The following ATP2B2 variants were observed in gnomAD, a reference collection of about 807,000 sequenced individuals.
The protein encoded by ATP2B2 is plasma membrane calcium-transporting ATPase 2.
In ATP2B2, 15 loss-of-function variants were observed where a neutral mutation model predicts 120.0. The observed-to-expected ratio is 0.12, with a 90% CI of 0.08 to 0.19. The LOEUF is 0.19. Ranked by LOEUF, ATP2B2 falls within the 10% of genes least tolerant of loss-of-function variation. The pLI is 1.00. For synonymous variants in ATP2B2, 694 were observed against 700.3 expected (o/e 0.99, Z 0.14); for missense variants, 1,045 against 1,719.8 (o/e 0.61, Z 6.94).
intron 16 of ATP2B2, among the ~76,000 whole-genome samples, chr3:10,349,463 T>TAAAATA (rs1203022615): frequency 1.3e-5 from 2 of 151,780 alleles, no homozygotes; most frequent in South Asian, 2.1e-4. Context: ...TCAAATAAAA[T>TAAAATA]AAAATAAAAA....
chr3:10,596,496 G>T (rs530082454), intron 2 of ATP2B2, among the ~76,000 whole-genome samples: 1 of 152,298 alleles, frequency 6.6e-6, no homozygotes, highest in African/African-American at 2.4e-5. Context: ...GAGATGCCAA[G>T]GCTTTGAAAT....
intron 1 of ATP2B2, among the ~76,000 whole-genome samples, chr3:10,672,626 T>A (rs554307468): frequency 6.6e-6 from 1 of 152,338 alleles, no homozygotes; most frequent in South Asian, 2.1e-4. Context: ...TCACTACATT[T>A]TAAAGGTTTG....
intron 2 of ATP2B2, among the ~76,000 whole-genome samples, chr3:10,424,228 C>T (rs552143200): frequency 1.6e-4 from 24 of 152,248 alleles, no homozygotes; most frequent in Middle Eastern, 3.4e-3. Context: ...TACGGACAGA[C>T]GGACTGAGGC....
At chr3:10,479,073 T>C (rs1195888146) in intron 1 of ATP2B2, among the ~76,000 whole-genome samples, 2 of 146,966 alleles carry the variant, frequency 1.4e-5, no homozygotes, top group East Asian at 2.3e-4. Context: ...AGAGGAACTG[T>C]GAGTCAATTA....
At chr3:10,393,345 C>T (rs11923508) in intron 5 of ATP2B2, among the ~76,000 whole-genome samples, 1,619 of 152,152 alleles carry the variant, frequency 0.011, 35 homozygotes, top group African/African-American at 0.036. Flanking sequence ...AATAGGAAGC[C>T]GCTGAGAGTA....
At chr3:10,615,611 G>C (rs886287165) in intron 2 of ATP2B2, among the ~76,000 whole-genome samples, 2 of 152,134 alleles carry the variant, frequency 1.3e-5, no homozygotes, top group African/African-American at 4.8e-5. Context: ...CAGTGTCAAG[G>C]TCCACAGAGG....
At chr3:10,353,421 A>G (rs2060630853) in intron 14 of ATP2B2, among the ~76,000 whole-genome samples, 1 of 152,190 alleles carries the variant, frequency 6.6e-6, no homozygotes, top group Admixed American at 6.5e-5. Context: ...ATGAACACAG[A>G]TTAGTCCTGG....
intron 2 of ATP2B2, among the ~76,000 whole-genome samples, chr3:10,544,237 A>C (rs1202052773): frequency 1.3e-5 from 2 of 152,100 alleles, no homozygotes; most frequent in East Asian, 3.9e-4. Context: ...TAAAGGGAAA[A>C]TTTCATCATT....
chr3:10,602,128 T>G (rs1163508326), intron 2 of ATP2B2, among the ~76,000 whole-genome samples: 1 of 148,912 alleles, frequency 6.7e-6, no homozygotes. Flanking sequence ...CGGAGCCCCC[T>G]CCCCACTTCC....
At chr3:10,591,941 G>T (rs1302193777) in intron 2 of ATP2B2, among the ~76,000 whole-genome samples, 1 of 152,166 alleles carries the variant, frequency 6.6e-6, no homozygotes, top group Non-Finnish European at 1.5e-5. Flanking sequence ...GGGGCATCTA[G>T]AATTAATAGG....
At position 10,347,077 on chromosome 3, in the gene ATP2B2, C is replaced by T. The variant is rs779477098; in HGVS notation, c.2405-940G>A. ...CGTCCCCCAGCCATCCCCGGAATGT[C>T]GTTTTCCTGCTTCCCCCCTTGGTCT... is the stretch of plus-strand genomic sequence containing the variant. On this transcript the variant is annotated intron_variant, in intron 16 of 22. Coordinates refer to ENST00000360273, the MANE Select transcript of ATP2B2 (RefSeq NM_001001331.4). This position sits in a 1 kb window ranked among gnomAD's most constrained non-coding sequence, Gnocchi z 5.2. Among the ~76,000 whole-genome samples, 8 of 152,150 alleles carry T rather than the reference C, an allele frequency of 5.3e-5. No homozygotes were observed. The highest frequency in any genetic ancestry group is 8.8e-5 in the Non-Finnish European group (6 of 68,026).
At chr3:10,348,883 G>GA (rs1280877253) in intron 16 of ATP2B2, among the ~76,000 whole-genome samples, 7 of 152,368 alleles carry the variant, frequency 4.6e-5, no homozygotes, top group Admixed American at 1.3e-4. Context: ...CAGTTATGGA[G>GA]AGAATGAGTG....
At chr3:10,542,168 G>T (rs868476437) in intron 2 of ATP2B2, among the ~76,000 whole-genome samples, 4 of 152,100 alleles carry the variant, frequency 2.6e-5, no homozygotes, top group South Asian at 4.1e-4. Flanking sequence ...CTTGTAGCTA[G>T]CATGTAGTCA....
chr3:10,704,524 C>T (rs1057386740), intron 1 of ATP2B2, among the ~76,000 whole-genome samples: 7 of 149,504 alleles, frequency 4.7e-5, no homozygotes, highest in Admixed American at 6.6e-5. Flanking sequence ...TTAAATCTAG[C>T]GGGAAAGCCC....
chr3:10,480,036 T>C (rs528966732), intron 1 of ATP2B2, among the ~76,000 whole-genome samples: 1 of 152,298 alleles, frequency 6.6e-6, no homozygotes, highest in African/African-American at 2.4e-5. Flanking sequence ...TTTCAGGCTA[T>C]AGTGAGCCAT....
At position 10,694,280 on chromosome 3, in the gene ATP2B2, A is replaced by G. The variant is rs575894112; in HGVS notation, c.-460+13635T>C. Among the ~76,000 whole-genome samples the G allele has an allele frequency of 2.6e-5, 4 of 152,292 alleles. No individual in the cohort carries two copies. In the East Asian group the frequency reaches 7.7e-4, roughly 29 times the overall value. On this transcript the variant is annotated intron_variant, in intron 1 of 21. Coordinates refer to the ATP2B2 transcript ENST00000646379. ...TATCAAGGTACTCAACTGGACCATC[A>G]CCACAAGACTCCTTCGTACTACCCC...
At chr3:10,391,061 G>T (rs570855010) in intron 5 of ATP2B2, among the ~76,000 whole-genome samples, 1 of 152,160 alleles carries the variant, frequency 6.6e-6, no homozygotes, top group Non-Finnish European at 1.5e-5. Context: ...AGGAGAGGAA[G>T]GAACACTACG....
At chr3:10,377,632 C>T (rs1012549810) in intron 10 of ATP2B2, among the ~76,000 whole-genome samples, 2 of 152,198 alleles carry the variant, frequency 1.3e-5, no homozygotes, top group African/African-American at 2.4e-5. Context: ...GTTTGTTGTG[C>T]GGGGGCTCAG....
intron 1 of ATP2B2, among the ~76,000 whole-genome samples, chr3:10,645,007 T>C (rs898429072): frequency 1.1e-4 from 16 of 152,210 alleles, no homozygotes; most frequent in Admixed American, 2.0e-4. Flanking sequence ...TTAGGTAATA[T>C]ACCATGAAGG....
Sources: gnomAD v4.1 joint callset for allele counts (sites outside exome capture counted in the v4.1 genomes callset) on GRCh38, gnomAD v4.1.1 for gene constraint, Gnocchi (gnomAD v3.1) non-coding constraint, MANE v1.5 for transcripts, NCBI Gene and HGNC (gene_info 2026-07-23, HGNC 2026-07-21) for gene names.